ITLN2: variants seen among roughly 807,000 people sequenced by gnomAD.
ITLN2 encodes intelectin 2.
Under a neutral mutation model 39.4 loss-of-function variants are expected in ITLN2, and 29 were observed. The observed-to-expected ratio is 0.74, with a 90% CI of 0.55 to 1.00. The LOEUF is 1.00. Ranked by LOEUF, ITLN2 falls within the 50% of genes least tolerant of loss-of-function variation. ITLN2 has a pLI of 0.00. For missense variants in ITLN2, 412 were observed against 416.7 expected (o/e 0.99, Z 0.10); for synonymous variants, 156 against 153.4 (o/e 1.02, Z -0.12).
intron 3 of ITLN2, among the ~76,000 whole-genome samples, chr1:160,952,218 C>T (rs1285883968): frequency 6.6e-6 from 1 of 152,224 alleles, no homozygotes; most frequent in Non-Finnish European, 1.5e-5. Context: ...GACAAACCCA[C>T]TACTTGGGCA....
At chr1:160,953,445 C>T (rs1671792468) in intron 2 of ITLN2, among the ~76,000 whole-genome samples, 1 of 152,198 alleles carries the variant, frequency 6.6e-6, no homozygotes, top group Non-Finnish European at 1.5e-5. Flanking sequence ...GGCACAGTGG[C>T]TCATGCCGGT....
At chr1:160,947,295 G>A (rs1013017613) in intron 7 of ITLN2, among the ~76,000 whole-genome samples, 1 of 152,234 alleles carries the variant, frequency 6.6e-6, no homozygotes, top group Non-Finnish European at 1.5e-5. Flanking sequence ...ATTGCTGCCA[G>A]CATATCTCGC....
In ITLN2 at chr1:160,950,562, G is replaced by A. The variant is rs1212913471; in HGVS notation, c.591C>T (p.Gly197=). ...CAGCAGCCCTGTGTACCTGGTAGAT[G>A]CCAAACAGATTATGTCCCAGTCTCT... The part of the protein sequence containing the change: ...FLQRLGHNLF[G]IYQKYPVKYR... Residue 197 remains glycine, a synonymous_variant, in exon 5 of 8, where the codon GGC becomes GGT. Coordinates refer to ENST00000368029, the MANE Select transcript of ITLN2 (RefSeq NM_080878.3). The A allele has an allele frequency of 6.2e-7, 1 of 1,613,930 alleles. No homozygotes were observed. Among genetic ancestry groups the A allele is most frequent in the Non-Finnish European group, 8.5e-7 (1 of 1,179,862 alleles).
At chr1:160,950,504 G>A (rs760458071) in intron 5 of ITLN2, 49 bp downstream of exon 5, 15 of 1,592,258 alleles carry the variant, frequency 9.4e-6, no homozygotes, top group South Asian at 4.6e-5. Context: ...TAGACACTTC[G>A]ATCTCTGTTC....
At chr1:160,954,243 C>G (rs1671813688) in intron 2 of ITLN2, 144 bp downstream of exon 2, 3 of 649,340 alleles carry the variant, frequency 4.6e-6, no homozygotes, top group East Asian at 5.5e-5. Flanking sequence ...CTCAAGTTGG[C>G]TGCCTAGCCT....
intron 1 of ITLN2, 57 bp from the exon 2 acceptor site, chr1:160,954,507 C>G: frequency 7.1e-7 from 1 of 1,413,976 alleles, no homozygotes; most frequent in Non-Finnish European, 9.8e-7. Context: ...GTCATCCTCT[C>G]GTTCTTACTT....
At chr1:160,952,280 T>G (rs539107439) in intron 3 of ITLN2, among the ~76,000 whole-genome samples, 6 of 152,324 alleles carry the variant, frequency 3.9e-5, no homozygotes, top group Admixed American at 1.3e-4. Context: ...CTACTGCTAT[T>G]TCTGTGATTA....
chr1:160,951,451 A>C, intron 3 of ITLN2, 161 bp from the exon 4 acceptor site: 1 of 872,668 alleles, frequency 1.1e-6, no homozygotes, highest in African/African-American at 1.7e-5. Context: ...CTGCTCACCT[A>C]TGAGCAGAGG....
Position 160,947,984 on chromosome 1 carries a change from C to T in ITLN2, c.770G>A (p.Arg257Lys), listed in dbSNP as rs373894051. The T allele has an allele frequency of 1.2e-5, 19 of 1,614,136 alleles. No individual in the cohort carries two copies. Among genetic ancestry groups the T allele is most frequent in the Non-Finnish European group, 1.6e-5 (19 of 1,180,034 alleles). The change falls in exon 7 of 8, where the codon AGA becomes AAA. Residue 257 changes from arginine (R) to lysine (K), a missense_variant. Transcript: ENST00000368029. Reference protein sequence around the residue: ...FVQFRVFNNERAANALCAGIK... With the variant: ...FVQFRVFNNEKAANALCAGIK... Reference sequence around the variant, plus strand: ...CCCAGCACAAAGGGCGTTGGCTGCTCTCTCGTTATTAAACACCCGGAACTG... The same window carrying T: ...CCCAGCACAAAGGGCGTTGGCTGCTTTCTCGTTATTAAACACCCGGAACTG...
intron 7 of ITLN2, among the ~76,000 whole-genome samples, chr1:160,945,945 C>A (rs1671590956): frequency 6.6e-6 from 1 of 152,122 alleles, no homozygotes; most frequent in African/African-American, 2.4e-5. Flanking sequence ...TAAGGAGGTA[C>A]ATCTTAAAGA....
At chr1:160,945,739 G>C (rs960214577) in intron 7 of ITLN2, among the ~76,000 whole-genome samples, 2 of 152,114 alleles carry the variant, frequency 1.3e-5, no homozygotes, top group African/African-American at 4.8e-5. Flanking sequence ...AGGGAAGGGG[G>C]CCCTAAGTGA....
At position 160,945,157 on chromosome 1, in the gene ITLN2, G is replaced by C; in HGVS notation, c.961C>G (p.Leu321Val). ...GCTCTGTCTCATCTATAGAACAAGA[G>C]TACAGCCGCCTCCGTTATCTCCCGA... Reference protein sequence around the residue: ...CSREITEAAVLLFYR With the variant: ...CSREITEAAVVLFYR The change falls in exon 8 of 8, where the codon CTC becomes GTC. Residue 321 changes from leucine (L) to valine (V), a missense_variant. Physicochemically the swap from Leu to Val is conservative, Grantham distance 32 (BLOSUM62 1). Coordinates refer to ENST00000368029, the MANE Select transcript of ITLN2 (RefSeq NM_080878.3). 1.9e-6 allele frequency: 3 copies of C among 1,602,906 alleles called. No individual in the cohort carries two copies. Among genetic ancestry groups the C allele is most frequent in the Non-Finnish European group, 2.5e-6 (3 of 1,177,062 alleles).
intron 6 of ITLN2, 35 bp downstream of exon 6, chr1:160,950,011 A>G: frequency 6.3e-7 from 1 of 1,593,002 alleles, no homozygotes; most frequent in Non-Finnish European, 8.6e-7. Context: ...GTACAAGAAA[A>G]TATTTATGAC....
chr1:160,950,700 G>A lies in ITLN2; in HGVS notation c.453C>T (p.Tyr151=). 2 of 1,612,846 alleles carry A rather than the reference G, an allele frequency of 1.2e-6. No homozygotes were observed. The highest frequency in any genetic ancestry group is 1.7e-6 in the Non-Finnish European group (2 of 1,179,304). Residue 151 remains tyrosine (Y), a synonymous_variant, in exon 5 of 8, where the codon TAC becomes TAT. Transcript: ENST00000368029. The part of the protein sequence containing the change: ...ATSDDYKNPG[Y]YDIQAKDLGI... ...CCAGGTCCTTGGCCTGGATGTCGTAGTAGCCAGGGTTCTGGAAAGCAACAG... is the reference window on the plus strand; with the variant it reads ...CCAGGTCCTTGGCCTGGATGTCGTAATAGCCAGGGTTCTGGAAAGCAACAG...
intron 6 of ITLN2, chr1:160,949,603 T>G (rs1671692469): frequency 6.1e-6 from 1 of 164,448 alleles, no homozygotes. Context: ...TGCACAGCCC[T>G]AAATCCATTA....
In ITLN2 at chr1:160,954,726, C is replaced by A; in HGVS notation, c.15+1G>T. 1 of 1,614,076 alleles carries A rather than the reference C, an allele frequency of 6.2e-7. No individual in the cohort carries two copies. On this transcript the variant is annotated splice_donor_variant, in intron 1 of 7. Transcript: ENST00000368029. LOFTEE classifies it high-confidence loss of function. ...ACATGGATCAAAAACATTTTTCTCA[C>A]CAGCATGGACAGCATCCTTACAGAT...
rs1018599938 is a variant in ITLN2, at chr1:160,954,738, G to A, written c.4C>T (p.Leu2=). 3 of 1,613,998 alleles carry A rather than the reference G, an allele frequency of 1.9e-6. No homozygotes were observed. Among genetic ancestry groups the A allele is most frequent in the Non-Finnish European group, 2.5e-6 (3 of 1,179,896 alleles). ...AACATTTTTCTCACCAGCATGGACA[G>A]CATCCTTACAGATGCCAGGAGCTGA... M[L]SMLRTMTRLC... The change falls in exon 1 of 8, where the codon CTG becomes TTG. Residue 2 remains leucine (L), a synonymous_variant. Transcript: ENST00000368029.
At chr1:160,949,674 T>C (rs1671694508) in intron 6 of ITLN2, 1 of 188,008 alleles carries the variant, frequency 5.3e-6, no homozygotes, top group Non-Finnish European at 1.1e-5. Flanking sequence ...GGGTTACAGA[T>C]TAACAGCATC....
chr1:160,952,510 G>T, intron 3 of ITLN2, 110 bp downstream of exon 3: 1 of 709,526 alleles, frequency 1.4e-6, no homozygotes, highest in Non-Finnish European at 2.4e-6. Context: ...GTAGGAGCTG[G>T]GGGCAGAACA....
Sources: gnomAD v4.1 joint callset for allele counts (sites outside exome capture counted in the v4.1 genomes callset) on GRCh38, gnomAD v4.1.1 for gene constraint, MANE v1.5 for transcripts, NCBI Gene and HGNC (gene_info 2026-07-23, HGNC 2026-07-21) for gene names.